RALYL: variants seen among roughly 807,000 people sequenced by gnomAD.
RALYL encodes RNA-binding Raly-like protein.
Under a neutral mutation model 35.1 loss-of-function variants are expected in RALYL, and 29 were observed. The ratio of observed to expected loss-of-function variants is 0.83; its 90% CI spans 0.61 to 1.13. RALYL has a LOEUF of 1.13. RALYL is among the 50% of genes most tolerant of loss of function. RALYL has a pLI of 0.00. For synonymous variants in RALYL, 120 were observed against 127.6 expected (o/e 0.94, Z 0.40); for missense variants, 359 against 360.4 (o/e 1.00, Z 0.03).
chr8:84,435,487 GA>G (rs1268411569), intron 1 of RALYL, among the ~76,000 whole-genome samples: 1 of 152,068 alleles, frequency 6.6e-6, no homozygotes, highest in Non-Finnish European at 1.5e-5. Context: ...AGAAAAAAGG[GA>G]AAAATATTCA....
chr8:84,223,606 C>T (rs1000347709), intron 1 of RALYL, among the ~76,000 whole-genome samples: 2 of 152,184 alleles, frequency 1.3e-5, no homozygotes, highest in Non-Finnish European at 2.9e-5. Flanking sequence ...CACAATGCAG[C>T]ATTTTCTCTA....
chr8:84,732,853 G>T (rs927645974), intron 2 of RALYL, among the ~76,000 whole-genome samples: 3 of 151,194 alleles, frequency 2.0e-5, no homozygotes, highest in African/African-American at 7.3e-5. Flanking sequence ...TCACCACCAC[G>T]CCTGGCTAAT....
At chr8:84,392,018 G>A (rs766894220) in intron 1 of RALYL, among the ~76,000 whole-genome samples, 3 of 151,934 alleles carry the variant, frequency 2.0e-5, no homozygotes, top group East Asian at 1.9e-4. Context: ...CTTTGAAAGC[G>A]GGCTGATTGA....
chr8:84,807,908 G>A (rs988886973), intron 4 of RALYL, among the ~76,000 whole-genome samples: 6 of 152,226 alleles, frequency 3.9e-5, no homozygotes, highest in African/African-American at 1.4e-4. Flanking sequence ...GTAGATTCTG[G>A]ATATTAGTCC....
chr8:84,210,192 T>G (rs1819119899), intron 1 of RALYL, among the ~76,000 whole-genome samples: 1 of 151,756 alleles, frequency 6.6e-6, no homozygotes, highest in Non-Finnish European at 1.5e-5. Flanking sequence ...TTACACAAGC[T>G]TAATAATAAA....
At chr8:84,719,344 T>C (rs1843473025) in intron 2 of RALYL, among the ~76,000 whole-genome samples, 1 of 152,218 alleles carries the variant, frequency 6.6e-6, no homozygotes, top group African/African-American at 2.4e-5. Flanking sequence ...TACTATGATA[T>C]AGGCTGTTTG....
At chr8:84,397,015 G>A (rs1861885158) in intron 1 of RALYL, among the ~76,000 whole-genome samples, 1 of 152,082 alleles carries the variant, frequency 6.6e-6, no homozygotes, top group South Asian at 2.1e-4. Context: ...ACGATCTTGA[G>A]AAGGGAAGAC....
At chr8:84,877,361 C>T (rs991869653) in intron 7 of RALYL, among the ~76,000 whole-genome samples, 1 of 152,008 alleles carries the variant, frequency 6.6e-6, no homozygotes, top group East Asian at 1.9e-4. Flanking sequence ...GTGGCACATG[C>T]CTGTAATCCC....
intron 4 of RALYL, among the ~76,000 whole-genome samples, chr8:84,817,531 T>TTTATTATTATTA (rs59809592): frequency 7.6e-4 from 112 of 147,482 alleles, no homozygotes; most frequent in African/African-American, 2.4e-3. Context: ...TAACTAATCT[T>TTTATTATTATTA]TTATTATTAT....
intron 2 of RALYL, among the ~76,000 whole-genome samples, chr8:84,711,532 A>C (rs1014902630): frequency 1.3e-5 from 2 of 152,170 alleles, no homozygotes; most frequent in African/African-American, 4.8e-5. Flanking sequence ...TATTACAAGA[A>C]TTAAAATTAA....
intron 2 of RALYL, among the ~76,000 whole-genome samples, chr8:84,672,069 A>C (rs1296117022): frequency 6.6e-6 from 1 of 152,222 alleles, no homozygotes; most frequent in Non-Finnish European, 1.5e-5. Context: ...AAGAGCACCC[A>C]AGTCACATCT....
At chr8:84,242,371 C>T (rs1196155266) in intron 1 of RALYL, among the ~76,000 whole-genome samples, 1 of 152,158 alleles carries the variant, frequency 6.6e-6, no homozygotes, top group South Asian at 2.1e-4. Flanking sequence ...AACAGAATTG[C>T]TGTGTCAGAT....
chr8:84,438,698 G>A (rs1587269262), intron 1 of RALYL, among the ~76,000 whole-genome samples: 1 of 151,762 alleles, frequency 6.6e-6, no homozygotes, highest in East Asian at 1.9e-4. Flanking sequence ...AGCCCTTCTA[G>A]GATTCTTATA....
intron 1 of RALYL, among the ~76,000 whole-genome samples, chr8:84,293,590 C>T (rs1022202141): frequency 6.6e-6 from 1 of 152,080 alleles, no homozygotes; most frequent in Non-Finnish European, 1.5e-5. Flanking sequence ...TACTCCAAAC[C>T]CATTGTGATA....
intron 2 of RALYL, among the ~76,000 whole-genome samples, chr8:84,650,253 C>T (rs1008802520): frequency 1.3e-5 from 2 of 151,994 alleles, no homozygotes; most frequent in Non-Finnish European, 2.9e-5. Flanking sequence ...TTCCTCTTTT[C>T]CTAATTGAGT....
At chr8:84,706,082 T>C in intron 2 of RALYL, 1 of 1,533,676 alleles carries the variant, frequency 6.5e-7, no homozygotes, top group Non-Finnish European at 8.7e-7. Flanking sequence ...CTGACCCAAC[T>C]TTTTCATATC....
At chr8:84,596,831 G>T (rs1018005417) in intron 2 of RALYL, among the ~76,000 whole-genome samples, 1 of 151,956 alleles carries the variant, frequency 6.6e-6, no homozygotes, top group African/African-American at 2.4e-5. Context: ...ATTTGCTCTT[G>T]CTCTAACTTC....
intron 2 of RALYL, among the ~76,000 whole-genome samples, chr8:84,547,292 A>AT (rs2060426606): frequency 6.6e-6 from 1 of 151,956 alleles, no homozygotes; most frequent in South Asian, 2.1e-4. Flanking sequence ...CTGGCACTTG[A>AT]TATGCTATAT....
At chr8:84,327,269 A>C (rs1430340621) in intron 1 of RALYL, among the ~76,000 whole-genome samples, 1 of 152,050 alleles carries the variant, frequency 6.6e-6, no homozygotes, top group Non-Finnish European at 1.5e-5. Flanking sequence ...GGAATTTTTC[A>C]GGTGAAGTAT....
Sources: allele counts gnomAD v4.1 joint callset (sites outside exome capture counted in the v4.1 genomes callset), GRCh38; gene constraint gnomAD v4.1.1; transcripts MANE v1.5; gene names NCBI Gene and HGNC (gene_info 2026-07-23, HGNC 2026-07-21).